Variants in CNIH3 observed in about 807,000 individuals in gnomAD.
The protein encoded by CNIH3 is protein cornichon homolog 3.
CNIH3 carries 14 observed loss-of-function variants against 24.1 expected under a neutral mutation model. The ratio of observed to expected loss-of-function variants is 0.58; its 90% confidence interval spans 0.38 to 0.91. The LOEUF (loss-of-function observed/expected upper bound fraction) is 0.91. Among genes scored for constraint, CNIH3 ranks in the 40% least tolerant of loss-of-function variants. The pLI, the probability that CNIH3 is intolerant of heterozygous loss-of-function variation, is 0.00. For missense variants in CNIH3, 178 were observed against 196.8 expected (o/e 0.90, Z 0.57); for synonymous variants, 68 against 73.8 (o/e 0.92, Z 0.40).
intron 3 of CNIH3, among the ~76,000 whole-genome samples, chr1:224,559,431 C>A (rs776710895): frequency 6.6e-6 from 1 of 152,178 alleles, no homozygotes; most frequent in Admixed American, 6.5e-5. Flanking sequence ...GTGGCCCTAT[C>A]GTAGCTCATT....
intron 2 of CNIH3, among the ~76,000 whole-genome samples, chr1:224,525,689 G>C (rs1572412844): frequency 6.6e-6 from 1 of 152,214 alleles, no homozygotes; most frequent in Non-Finnish European, 1.5e-5. Context: ...TGGTGTTCAA[G>C]GGTCAGGGAT....
chr1:224,645,614 C>T (rs56803202), intron 1 of CNIH3, among the ~76,000 whole-genome samples: 3,492 of 152,318 alleles, frequency 0.023, 106 homozygotes, highest in African/African-American at 0.077. Context: ...TGTTCCAATT[C>T]AGGGTAACAT....
At chr1:224,686,628 T>G (rs1206606679) in intron 3 of CNIH3, among the ~76,000 whole-genome samples, 1 of 152,188 alleles carries the variant, frequency 6.6e-6, no homozygotes, top group Non-Finnish European at 1.5e-5. Context: ...AGTTTTGCCT[T>G]TCAGACTCCA....
rs543520745 is a variant in CNIH3, at chr1:224,496,171, T to G, written n.204-19570T>G. Among the ~76,000 whole-genome samples the G allele has an allele frequency of 1.9e-4, 29 of 152,298 alleles. No individual in the cohort carries two copies. The South Asian group carries it at 6.0e-3, about 32-fold the overall frequency. On this transcript the variant is annotated intron_variant and non_coding_transcript_variant, in intron 1 of 5. Coordinates refer to the CNIH3 transcript ENST00000471578. ...CATGTCGTTCTCAATACCCTAGAAC[T>G]TCTGCTTCCTCAGGGCTGCTGCTTG... is the stretch of plus-strand genomic sequence containing the variant.
intron 1 of CNIH3, among the ~76,000 whole-genome samples, chr1:224,442,013 A>ATTTTT (rs1167622615): frequency 6.3e-4 from 76 of 119,954 alleles, no homozygotes; most frequent in Non-Finnish European, 1.1e-3. Flanking sequence ...GATTCCCTTA[A>ATTTTT]TTTTTTTTTT....
chr1:224,579,746 C>G (rs1053850737), intron 4 of CNIH3, among the ~76,000 whole-genome samples: 1 of 152,072 alleles, frequency 6.6e-6, no homozygotes, highest in Admixed American at 6.6e-5. Flanking sequence ...TTAAAAAGAG[C>G]CTGGAACTTT....
At position 224,637,708 on chromosome 1, in the gene CNIH3, T is replaced by C. The variant is rs114932169; in HGVS notation, c.81+20453T>C. Among the ~76,000 whole-genome samples, 1,323 of 152,300 alleles carry C rather than the reference T, an allele frequency of 8.7e-3. 20 individuals carry two copies. The highest frequency in any genetic ancestry group is 0.027 in the Middle Eastern group (8 of 294). ...ATTACCAAGTGGCCAGTTGCGGTCT[T>C]GTTGCTCACATAGTTAGCATGTTAT... On this transcript the variant is annotated intron_variant, in intron 1 of 5. Coordinates refer to ENST00000272133, the MANE Select transcript of CNIH3 (RefSeq NM_152495.2).
Position 224,603,638 on chromosome 1 carries a change from A to AT in CNIH3, n.402+37382dup, listed in dbSNP as rs530392857. 3.3e-5 allele frequency among the ~76,000 whole-genome samples: 5 copies of AT among 152,104 alleles called. No homozygotes were observed. The South Asian group carries it at 6.2e-4, about 19-fold the overall frequency. On this transcript the variant is annotated intron_variant and non_coding_transcript_variant, in intron 3 of 7. Transcript: ENST00000478120. ...TACATTAGTAGCACTGGTGAGACAC[A>AT]TTTTTTTTATGGTTTTTGTCAGCGT...
At chr1:224,599,151 A>G (rs1381440407) in intron 3 of CNIH3, among the ~76,000 whole-genome samples, 1 of 152,210 alleles carries the variant, frequency 6.6e-6, no homozygotes, top group Non-Finnish European at 1.5e-5. Flanking sequence ...GTTTAAAAAA[A>G]CCGCCACCCT....
At chr1:224,442,772 G>A (rs139668424) in intron 1 of CNIH3, among the ~76,000 whole-genome samples, 1 of 152,216 alleles carries the variant, frequency 6.6e-6, no homozygotes, top group East Asian at 1.9e-4. Context: ...TGGCTCCAGA[G>A]CTGTGTTCTC....
At chr1:224,711,333 T>TC (rs1464919200) in intron 3 of CNIH3, among the ~76,000 whole-genome samples, 1 of 151,984 alleles carries the variant, frequency 6.6e-6, no homozygotes, top group East Asian at 1.9e-4. Flanking sequence ...TCTTTTTTTT[T>TC]TTTGGAGACA....
chr1:224,739,513 A>G lies in CNIH3; in HGVS notation c.*157A>G. On this transcript the variant is annotated 3_prime_UTR_variant, in exon 6 of 6. Transcript: ENST00000272133. ...TGAATGGGAGCTGGAATCACGCAGC[A>G]GCTGGGAGCCGAGTTAACCCTGCGT... 2 of 1,404,152 alleles carry G rather than the reference A, an allele frequency of 1.4e-6. No individual in the cohort carries two copies. Among genetic ancestry groups the G allele is most frequent in the Non-Finnish European group, 1.9e-6 (2 of 1,035,220 alleles). The allele number at this position is 1,404,152 out of a possible 1,614,324, so 87.0% of individuals were successfully genotyped here. A position where few individuals can be genotyped will look rare whatever the true frequency, so the allele number is the denominator to read the frequency against.
intron 2 of CNIH3, among the ~76,000 whole-genome samples, chr1:224,525,860 G>A (rs559588473): frequency 6.6e-6 from 1 of 152,268 alleles, no homozygotes; most frequent in South Asian, 2.1e-4. Flanking sequence ...TGGCCAGGCA[G>A]AAGAGCCAGG....
intron 3 of CNIH3, among the ~76,000 whole-genome samples, chr1:224,610,224 C>T (rs1682622082): frequency 6.6e-6 from 1 of 152,210 alleles, no homozygotes; most frequent in African/African-American, 2.4e-5. Flanking sequence ...TTGATGTACA[C>T]TATTTTCAAT....
chr1:224,495,571 A>G (rs1454725326), intron 1 of CNIH3, among the ~76,000 whole-genome samples: 2 of 152,196 alleles, frequency 1.3e-5, no homozygotes, highest in East Asian at 1.9e-4. Context: ...CACTCCATAG[A>G]TGCAGTCTTA....
chr1:224,483,329 G>A (rs182425096), intron 1 of CNIH3, among the ~76,000 whole-genome samples: 1 of 152,034 alleles, frequency 6.6e-6, no homozygotes, highest in Admixed American at 6.5e-5. Context: ...CAGTCTGGGT[G>A]ACAGAGTAAG....
chr1:224,651,315 C>T (rs1684847045), intron 1 of CNIH3, among the ~76,000 whole-genome samples: 1 of 152,228 alleles, frequency 6.6e-6, no homozygotes, highest in Admixed American at 6.5e-5. Flanking sequence ...GTGGTCACCT[C>T]TGTTAGCGTT....
chr1:224,452,123 C>T (rs16848382), intron 1 of CNIH3, among the ~76,000 whole-genome samples: 14,615 of 149,758 alleles, frequency 0.098, 2,281 homozygotes, highest in African/African-American at 0.33. Flanking sequence ...AGAATTAAGA[C>T]GAAAGTGAAC....
intron 1 of CNIH3, among the ~76,000 whole-genome samples, chr1:224,647,918 G>A (rs987218973): frequency 8.5e-5 from 13 of 152,240 alleles, no homozygotes; most frequent in African/African-American, 2.9e-4. Flanking sequence ...AACTCAGCCA[G>A]GCTTTGGAAC....
Sources: allele counts gnomAD v4.1 joint callset (sites outside exome capture counted in the v4.1 genomes callset), GRCh38; gene constraint gnomAD v4.1.1; transcripts MANE v1.5; gene names NCBI Gene and HGNC (gene_info 2026-07-23, HGNC 2026-07-21).